The following RTN4RL1 variants were observed in gnomAD, a reference collection of about 807,000 sequenced individuals.
The protein encoded by RTN4RL1 is reticulon 4 receptor like 1.
RTN4RL1 carries 7 observed loss-of-function variants against 25.6 expected under a neutral mutation model. That is an observed-to-expected ratio of 0.27 (90% CI 0.16 to 0.51). The LOEUF is 0.51. Among genes scored for constraint, RTN4RL1 ranks in the 20% least tolerant of loss-of-function variants. The probability of loss-of-function intolerance (pLI) is 0.97; values close to 1 mark genes in which losing one functional copy is unlikely to be tolerated. For missense variants in RTN4RL1, 500 were observed against 615.6 expected (o/e 0.81, Z 1.99); for synonymous variants, 297 against 288.2 (o/e 1.03, Z -0.31).
chr17:1,954,649 A>G (rs892886554), intron 1 of RTN4RL1, among the ~76,000 whole-genome samples: 5 of 151,914 alleles, frequency 3.3e-5, no homozygotes, highest in African/African-American at 7.3e-5. Context: ...CGGCCTCCCA[A>G]AGTGCTGGGA....
intron 1 of RTN4RL1, among the ~76,000 whole-genome samples, chr17:1,973,491 G>A (rs1340425407): frequency 2.0e-5 from 3 of 148,834 alleles, no homozygotes; most frequent in South Asian, 2.1e-4. Context: ...GCACTCCAGC[G>A]TGGGCAACAG....
rs560237349 is a variant in RTN4RL1, at chr17:1,938,788, C to T, written c.14-980G>A. Reference sequence around the variant, plus strand: ...AGACATGGCCGGGCGCGGTGGCTCACGCCTGTAATCCCAACACTTTGGGAA... The same window carrying T: ...AGACATGGCCGGGCGCGGTGGCTCATGCCTGTAATCCCAACACTTTGGGAA... On this transcript the variant is annotated intron_variant, in intron 1 of 1. Coordinates refer to ENST00000331238, the MANE Select transcript of RTN4RL1 (RefSeq NM_178568.4). Among the ~76,000 whole-genome samples, 68 of 152,078 alleles carry T rather than the reference C, an allele frequency of 4.5e-4. No individual in the cohort carries two copies. The East Asian group carries it at 7.8e-3, about 18-fold the overall frequency.
rs1163170575 is a variant in RTN4RL1, at chr17:1,961,773, C to CAA, written c.14-23967_14-23966dup. On this transcript the variant is annotated intron_variant, in intron 1 of 1. Transcript: ENST00000331238. ...TGAAACCCTGTCTCCACTAAAAATA[C>CAA]AAAAAAAAAAAAAAAAAAAAAAAAA... 1.5e-3 allele frequency among the ~76,000 whole-genome samples: 82 copies of CAA among 55,582 alleles called. 2 individuals are homozygous for CAA. Among genetic ancestry groups the CAA allele is most frequent in the East Asian group, 6.4e-3 (12 of 1,882 alleles). The allele number at this position is 55,582 out of a possible 152,430, so 36.5% of individuals were successfully genotyped here.
chr17:1,949,418 C>G (rs1307557166), intron 1 of RTN4RL1, among the ~76,000 whole-genome samples: 1 of 152,170 alleles, frequency 6.6e-6, no homozygotes, highest in Non-Finnish European at 1.5e-5. Context: ...TTCTTGAAGG[C>G]CCTGGTGCTC....
intron 1 of RTN4RL1, among the ~76,000 whole-genome samples, chr17:1,985,057 G>A (rs780197324): frequency 1.3e-5 from 2 of 152,092 alleles, no homozygotes; most frequent in Non-Finnish European, 2.9e-5. Context: ...TTCACGCACT[G>A]CTCATTTCAT....
chr17:2,018,267 T>TC (rs2067152588), intron 1 of RTN4RL1, among the ~76,000 whole-genome samples: 1 of 152,098 alleles, frequency 6.6e-6, no homozygotes, highest in Non-Finnish European at 1.5e-5. Flanking sequence ...CCCCCAATAA[T>TC]CCATGGCCCT....
intron 1 of RTN4RL1, among the ~76,000 whole-genome samples, chr17:2,012,240 AG>A (rs2067059495): frequency 1.3e-5 from 2 of 152,300 alleles, no homozygotes; most frequent in South Asian, 2.1e-4. Flanking sequence ...AACTTTTCCA[AG>A]CGAGAGGTTA....
rs182271350 is a variant in RTN4RL1, at chr17:1,943,236, C to T, written c.14-5428G>A. ...GGCACCGGCCACGGCACATGGCTGG[C>T]GACAGGGCAGCGAGCAGGCCTCAAC... On this transcript the variant is annotated intron_variant, in intron 1 of 1. Transcript: ENST00000331238. Among the ~76,000 whole-genome samples the T allele has an allele frequency of 1.4e-3, 207 of 152,344 alleles. 1 individual carries two copies. The highest frequency in any genetic ancestry group is 4.7e-3 in the African/African-American group (194 of 41,588).
intron 1 of RTN4RL1, among the ~76,000 whole-genome samples, chr17:1,974,366 G>A (rs1265953080): frequency 1.3e-5 from 2 of 152,162 alleles, no homozygotes; most frequent in African/African-American, 4.8e-5. Flanking sequence ...ACTCCAGCCT[G>A]GGCGACAGAG....
At chr17:1,992,234 G>T (rs1306457845) in intron 1 of RTN4RL1, among the ~76,000 whole-genome samples, 2 of 151,844 alleles carry the variant, frequency 1.3e-5, no homozygotes, top group Non-Finnish European at 2.9e-5. Flanking sequence ...CGTGGTGGCG[G>T]GCGCCTGCAG....
At chr17:1,971,324 G>A (rs2066817818) in intron 1 of RTN4RL1, among the ~76,000 whole-genome samples, 1 of 152,126 alleles carries the variant, frequency 6.6e-6, no homozygotes, top group Non-Finnish European at 1.5e-5. Context: ...AGTTTCCTGA[G>A]GCCTCCCCAG....
intron 1 of RTN4RL1, among the ~76,000 whole-genome samples, chr17:1,971,548 GGCTGGGCATGGTGGCT>G: frequency 6.6e-6 from 1 of 152,308 alleles, no homozygotes; most frequent in African/African-American, 2.4e-5. Flanking sequence ...CCACGTACTT[GGCTGGGCATGGTGGCT>G]CACACCTGTA....
intron 1 of RTN4RL1, 107 bp from the exon 2 acceptor site, chr17:1,937,915 G>A (rs1393574554): frequency 1.3e-5 from 12 of 917,174 alleles, no homozygotes; most frequent in Non-Finnish European, 1.8e-5. Context: ...GCTGAGCTCC[G>A]TGAGAGCCTT....
At chr17:2,002,449 C>T (rs551031335) in intron 1 of RTN4RL1, among the ~76,000 whole-genome samples, 34 of 150,202 alleles carry the variant, frequency 2.3e-4, no homozygotes, top group Non-Finnish European at 4.0e-4. Flanking sequence ...CCCGCCACCT[C>T]GCCTGGCTAA....
intron 1 of RTN4RL1, among the ~76,000 whole-genome samples, chr17:1,940,572 T>C (rs527240169): frequency 8.7e-4 from 132 of 151,796 alleles, no homozygotes; most frequent in African/African-American, 3.0e-3. Context: ...GAGGCAGGGG[T>C]GTGTTGGGGG....
rs1915303944 is a variant in RTN4RL1, at chr17:1,936,388, A to C, written c.*108T>G. On this transcript the variant is annotated 3_prime_UTR_variant, in exon 2 of 2. Coordinates refer to ENST00000331238, the MANE Select transcript of RTN4RL1 (RefSeq NM_178568.4). The stretch of plus-strand genomic sequence containing the variant: ...CCAGACAGCAGCCGAAGGCTCTACC[A>C]GCCTTTTCCTGAAACCCAGCAGATC... The C allele has an allele frequency of 6.9e-7, 1 of 1,451,132 alleles. No individual in the cohort carries two copies. The highest frequency in any genetic ancestry group is 1.4e-5 in the African/African-American group (1 of 70,190). The allele number at this position is 1,451,132 out of a possible 1,614,324, so 89.9% of individuals were successfully genotyped here.
intron 1 of RTN4RL1, among the ~76,000 whole-genome samples, chr17:1,992,242 C>T (rs1163343823): frequency 4.0e-5 from 6 of 151,564 alleles, no homozygotes; most frequent in South Asian, 2.1e-4. Flanking sequence ...CGGGCGCCTG[C>T]AGTCCCAGCT....
At chr17:1,953,175 A>AGAT (rs1170293821) in intron 1 of RTN4RL1, among the ~76,000 whole-genome samples, 12 of 152,126 alleles carry the variant, frequency 7.9e-5, no homozygotes, top group Admixed American at 1.3e-4. Flanking sequence ...TGGGCGGCAA[A>AGAT]GATGGGAGGA....
chr17:2,020,982 C>T (rs956002163), intron 1 of RTN4RL1, among the ~76,000 whole-genome samples: 3 of 152,206 alleles, frequency 2.0e-5, no homozygotes, highest in African/African-American at 7.2e-5. Flanking sequence ...TGCTGCCTCT[C>T]ACCTCTTAAC....
Sources: allele counts gnomAD v4.1 joint callset (sites outside exome capture counted in the v4.1 genomes callset), GRCh38; gene constraint gnomAD v4.1.1; transcripts MANE v1.5; gene names NCBI Gene and HGNC (gene_info 2026-07-23, HGNC 2026-07-21).